The following ADCY8 variants were observed in gnomAD, a reference collection of about 807,000 sequenced individuals.
The protein encoded by ADCY8 is adenylate cyclase 8.
A neutral mutation model predicts 119.7 loss-of-function variants in ADCY8; 51 were observed. The ratio of observed to expected loss-of-function variants is 0.43; its 90% CI spans 0.34 to 0.54. The LOEUF (loss-of-function observed/expected upper bound fraction) is 0.54. Ranked by LOEUF, ADCY8 falls within the 20% of genes least tolerant of loss-of-function variation. ADCY8 has a pLI of 0.03. For missense variants in ADCY8, 1,383 were observed against 1,598.8 expected, an observed-to-expected ratio of 0.87 and a Z score of 2.30; for synonymous variants, 665 against 651.0, an observed-to-expected ratio of 1.02 and a Z score of -0.33.
chr8:130,900,012 T>C (rs1371979181), intron 7 of ADCY8, among the ~76,000 whole-genome samples: 1 of 152,200 alleles, frequency 6.6e-6, no homozygotes, highest in Admixed American at 6.5e-5. Flanking sequence ...ACTTCTTGCC[T>C]TCTAGTTTCC....
intron 14 of ADCY8, among the ~76,000 whole-genome samples, chr8:130,810,330 G>T (rs55710457): frequency 1.7e-4 from 25 of 145,742 alleles, no homozygotes; most frequent in Non-Finnish European, 3.6e-4. Flanking sequence ...GTATGACTCT[G>T]TCTTTCTCTC....
chr8:130,941,274 C>CT (rs1820948018), intron 4 of ADCY8, among the ~76,000 whole-genome samples: 2 of 152,200 alleles, frequency 1.3e-5, no homozygotes. Context: ...GTGGAGGCTG[C>CT]TATGCATTCA....
At chr8:131,018,728 G>T (rs1823558747) in intron 1 of ADCY8, among the ~76,000 whole-genome samples, 1 of 152,176 alleles carries the variant, frequency 6.6e-6, no homozygotes, top group Admixed American at 6.5e-5. Flanking sequence ...TTAGTGATTT[G>T]CCAGGTCATA....
chr8:130,989,564 AT>A (rs1410105135), intron 2 of ADCY8, among the ~76,000 whole-genome samples: 1 of 152,178 alleles, frequency 6.6e-6, no homozygotes, highest in Non-Finnish European at 1.5e-5. Flanking sequence ...CAAGCATAAA[AT>A]TTCCAAGAGC....
intron 14 of ADCY8, 89 bp from the exon 15 acceptor site, chr8:130,800,661 C>G (rs77817292): frequency 7.3e-7 from 1 of 1,368,826 alleles, no homozygotes; most frequent in Non-Finnish European, 1.0e-6. Flanking sequence ...TGGGTACACA[C>G]GTGCACAGTC....
At chr8:131,029,178 G>A (rs1209073265) in intron 1 of ADCY8, among the ~76,000 whole-genome samples, 2 of 152,322 alleles carry the variant, frequency 1.3e-5, no homozygotes, top group South Asian at 2.1e-4. Context: ...TAGACTGCAA[G>A]CTCCTTATGA....
chr8:130,963,113 C>CTTT (rs764620332), intron 2 of ADCY8, among the ~76,000 whole-genome samples: 4 of 130,358 alleles, frequency 3.1e-5, no homozygotes, highest in Non-Finnish European at 3.3e-5. Flanking sequence ...GTTTTTCTTT[C>CTTT]TTTTTTTTTT....
chr8:130,995,275 A>C (rs1212632501), intron 1 of ADCY8, among the ~76,000 whole-genome samples: 3 of 152,172 alleles, frequency 2.0e-5, no homozygotes, highest in Non-Finnish European at 4.4e-5. Flanking sequence ...TCATATTGTA[A>C]ATCCATCCAG....
chr8:130,851,271 T>C (rs565907935), intron 9 of ADCY8, among the ~76,000 whole-genome samples: 1 of 152,356 alleles, frequency 6.6e-6, no homozygotes, highest in African/African-American at 2.4e-5. Context: ...AATGATGAAC[T>C]ATTATATAAT....
chr8:130,780,566 C>T lies in ADCY8; in HGVS notation c.3580G>A (p.Ala1194Thr), dbSNP rs573772081. Residue 1194 changes from alanine (A) to threonine (T), a missense_variant, in exon 18 of 18, where the codon GCG becomes ACG. Transcript: ENST00000286355. ...GACTGGACAAGTCCCAGGACAACCGCGGCCAGGGAGTACTGCCCAGGCAGT... is the reference window on the plus strand; with the variant it reads ...GACTGGACAAGTCCCAGGACAACCGTGGCCAGGGAGTACTGCCCAGGCAGT... The part of the protein sequence containing the change: ...RRLPGQYSLA[A>T]VVLGLVQSLN... 2.4e-5 allele frequency: 38 copies of T among 1,614,118 alleles called. No homozygotes were observed. The highest frequency in any genetic ancestry group is 4.0e-5 in the African/African-American group (3 of 75,036).
intron 5 of ADCY8, among the ~76,000 whole-genome samples, chr8:130,921,681 G>A (rs10808586): frequency 0.4 from 61,066 of 151,736 alleles, 12,617 homozygotes; most frequent in East Asian, 0.6. Context: ...TCGAACTCCC[G>A]ATCTCAGGTG....
intron 12 of ADCY8, among the ~76,000 whole-genome samples, chr8:130,828,018 C>A (rs1028677391): frequency 6.6e-6 from 1 of 152,130 alleles, no homozygotes; most frequent in African/African-American, 2.4e-5. Flanking sequence ...ACTTAGCCTT[C>A]GTGTGGGGCT....
chr8:130,800,826 T>C (rs983782872), intron 14 of ADCY8, among the ~76,000 whole-genome samples: 2 of 152,238 alleles, frequency 1.3e-5, no homozygotes, highest in South Asian at 4.1e-4. Context: ...AAGTCCAAGA[T>C]CAAGGTACTG....
At chr8:130,817,139 G>A (rs1270217400) in intron 13 of ADCY8, among the ~76,000 whole-genome samples, 3 of 152,188 alleles carry the variant, frequency 2.0e-5, no homozygotes, top group Admixed American at 6.5e-5. Flanking sequence ...AATATACTTA[G>A]ACTATTATAG....
chr8:130,980,079 T>G (rs76692329), intron 2 of ADCY8, among the ~76,000 whole-genome samples: 1,834 of 152,284 alleles, frequency 0.012, 45 homozygotes, highest in African/African-American at 0.042. Context: ...CCTGGCTTCT[T>G]GTGGCTGCCA....
intron 5 of ADCY8, among the ~76,000 whole-genome samples, chr8:130,926,309 GAA>G (rs112225613): frequency 7.0e-6 from 1 of 143,796 alleles, no homozygotes; most frequent in Middle Eastern, 3.6e-3. Flanking sequence ...TTGTTTCCAG[GAA>G]AAAAAAAAAA....
At chr8:130,917,619 A>G (rs1820168564) in intron 5 of ADCY8, among the ~76,000 whole-genome samples, 1 of 152,160 alleles carries the variant, frequency 6.6e-6, no homozygotes, top group Non-Finnish European at 1.5e-5. Flanking sequence ...ATAGAGACCA[A>G]GTCAGGACAG....
intron 7 of ADCY8, among the ~76,000 whole-genome samples, chr8:130,902,515 A>G (rs896529829): frequency 1.3e-5 from 2 of 152,204 alleles, no homozygotes; most frequent in Non-Finnish European, 2.9e-5. Context: ...AGCTTTTCCC[A>G]GTGGAATCTG....
intron 1 of ADCY8, among the ~76,000 whole-genome samples, chr8:131,007,534 A>G (rs1443903917): frequency 1.3e-5 from 2 of 152,212 alleles, no homozygotes; most frequent in Non-Finnish European, 2.9e-5. Context: ...CTAGCTCTAA[A>G]TATCAATAGT....
Sources: allele counts gnomAD v4.1 joint callset (sites outside exome capture counted in the v4.1 genomes callset), GRCh38; gene constraint gnomAD v4.1.1; transcripts MANE v1.5; gene names NCBI Gene and HGNC (gene_info 2026-07-23, HGNC 2026-07-21).